The following GLYATL1B variants were observed in gnomAD, a reference collection of about 807,000 sequenced individuals.
The protein encoded by GLYATL1B is glycine-N-acyltransferase like 1B.
A neutral mutation model predicts 5.5 loss-of-function variants in GLYATL1B; 6 were observed. The observed-to-expected ratio is 1.09, with a 90% CI of 0.60 to 2.15. GLYATL1B has a LOEUF of 2.15. Among genes scored for constraint, GLYATL1B ranks in the 30% most tolerant of loss-of-function variants. The pLI, the probability that GLYATL1B is intolerant of heterozygous loss-of-function variation, is 0.00. For synonymous variants in GLYATL1B, 67 were observed against 34.9 expected (o/e 1.92, Z -3.24); for missense variants, 135 against 94.1 (o/e 1.43, Z -1.80).
At position 59,086,310 on chromosome 11, in the gene GLYATL1B, A is replaced by C; in HGVS notation, c.4A>C (p.Ile2Leu). 1 of 398,980 alleles carries C rather than the reference A, an allele frequency of 2.5e-6. No homozygotes were observed. 24.7% of individuals were successfully genotyped at this position (398,980 alleles called of 1,614,324 possible). ...GAGGACTGAAGCATCCCACAAAATGATTCTATTGAATAATTCCGAGCGGCT... is the reference window on the plus strand; with the variant it reads ...GAGGACTGAAGCATCCCACAAAATGCTTCTATTGAATAATTCCGAGCGGCT... M[I>L]LLNNSERLLA... The change falls in exon 1 of 5, where the codon ATT becomes CTT. Residue 2 changes from isoleucine to leucine, a missense_variant. Physicochemically the swap from Ile to Leu is conservative, Grantham distance 5. Transcript: ENST00000527482.
chr11:59,093,496 G>T (rs563717118), intron 2 of GLYATL1B, 33 bp from the exon 3 acceptor site: 19 of 475,832 alleles, frequency 4.0e-5, no homozygotes, highest in Admixed American at 2.2e-4. Flanking sequence ...AAAAGTTCAA[G>T]GGAATGATCT....
chr11:59,088,519 G>T (rs1859239701), intron 2 of GLYATL1B, among the ~76,000 whole-genome samples: 4 of 152,138 alleles, frequency 2.6e-5, no homozygotes, highest in Admixed American at 1.3e-4. Context: ...TCGGATCGAT[G>T]ATTAATGGTT....
intron 2 of GLYATL1B, 135 bp from the exon 3 acceptor site, chr11:59,093,394 C>T: frequency 2.6e-6 from 1 of 383,802 alleles, no homozygotes; most frequent in Non-Finnish European, 4.6e-6. Flanking sequence ...TTATATTATC[C>T]ACGTGCCCAA....
At chr11:59,086,943 C>T (rs1859204482) in intron 1 of GLYATL1B, 121 bp from the exon 2 acceptor site, 1 of 439,664 alleles carries the variant, frequency 2.3e-6, no homozygotes, top group Admixed American at 3.7e-5. Flanking sequence ...CTGTTCATCT[C>T]ATCATCACTG....
At chr11:59,088,696 G>A (rs1859243869) in intron 2 of GLYATL1B, among the ~76,000 whole-genome samples, 2 of 152,142 alleles carry the variant, frequency 1.3e-5, no homozygotes, top group Admixed American at 6.5e-5. Context: ...TTTGAACAAG[G>A]CTAGTTTTTA....
At chr11:59,091,293 A>G (rs2135382723) in intron 2 of GLYATL1B, among the ~76,000 whole-genome samples, 1 of 152,246 alleles carries the variant, frequency 6.6e-6, no homozygotes, top group East Asian at 1.9e-4. Flanking sequence ...GTTTTGCCTT[A>G]TGTAGAATTG....
In GLYATL1B at chr11:59,089,397, T is replaced by C. The variant is rs142206838; in HGVS notation, c.186+2226T>C. 7.6e-4 allele frequency among the ~76,000 whole-genome samples: 115 copies of C among 152,310 alleles called. No homozygotes were observed. In the East Asian group the frequency reaches 0.021, roughly 28 times the overall value. On this transcript the variant is annotated intron_variant, in intron 2 of 4. Transcript: ENST00000527482. The stretch of plus-strand genomic sequence containing the variant: ...AAAGGGATAAGTCCAAGTCAGAGCT[T>C]ATCTTATCCTAAGTAGGCACTGCCA...
intron 2 of GLYATL1B, among the ~76,000 whole-genome samples, chr11:59,089,639 AC>A (rs2135382088): frequency 6.6e-6 from 1 of 152,180 alleles, no homozygotes; most frequent in African/African-American, 2.4e-5. Context: ...TTTTGGGTTT[AC>A]TTCTGAACTG....
chr11:59,088,025 G>A (rs1436741294), intron 2 of GLYATL1B, among the ~76,000 whole-genome samples: 1 of 152,130 alleles, frequency 6.6e-6, no homozygotes, highest in African/African-American at 2.4e-5. Context: ...ATTCAGTCAG[G>A]TAGCTGCTGG....
rs187659409 is a variant in GLYATL1B at position 59,087,186 on chromosome 11, A to G, written c.186+15A>G. On this transcript the variant is annotated intron_variant, in intron 2 of 4. Coordinates refer to ENST00000527482, the MANE Select transcript of GLYATL1B (RefSeq NM_001355566.1). ...CTCAAAAACAGGTAGGCACACAGACAGGGACTGGTGGAGCCAGGCAGGTCC... is the reference window on the plus strand; with the variant it reads ...CTCAAAAACAGGTAGGCACACAGACGGGGACTGGTGGAGCCAGGCAGGTCC... The G allele has an allele frequency of 1.1e-3, 660 of 586,746 alleles. 4 individuals carry two copies. In the Admixed American group the frequency reaches 0.015, roughly 13 times the overall value. 36.3% of individuals were successfully genotyped at this position (586,746 alleles called of 1,614,324 possible). A position where few individuals can be genotyped will look rare whatever the true frequency, so the allele number is the denominator to read the frequency against.
chr11:59,089,006 T>G (rs1189918329), intron 2 of GLYATL1B, among the ~76,000 whole-genome samples: 2 of 152,198 alleles, frequency 1.3e-5, no homozygotes, highest in Non-Finnish European at 2.9e-5. Context: ...AACATGATTT[T>G]AAGAAGTTAA....
chr11:59,090,184 AT>A (rs1213811322), intron 2 of GLYATL1B, among the ~76,000 whole-genome samples: 1 of 151,870 alleles, frequency 6.6e-6, no homozygotes, highest in Non-Finnish European at 1.5e-5. Context: ...ATGCTATTTC[AT>A]TGTTTTGTGG....
intron 2 of GLYATL1B, 128 bp from the exon 3 acceptor site, chr11:59,093,401 C>G (rs916138199): frequency 2.6e-6 from 1 of 390,830 alleles, no homozygotes; most frequent in Admixed American, 4.4e-5. Flanking sequence ...ATCCACGTGC[C>G]CAACTGCAGC....
intron 1 of GLYATL1B, 57 bp downstream of exon 1, chr11:59,086,441 T>G (rs1859197239): frequency 2.3e-5 from 9 of 397,684 alleles, no homozygotes. Context: ...GATGAGAAAC[T>G]AACAGGCTCA....
In GLYATL1B at chr11:59,087,152, T is replaced by A. The variant is rs1349753750; in HGVS notation, c.167T>A (p.Ile56Asn). The A allele has an allele frequency of 1.6e-6, 1 of 632,660 alleles. No homozygotes were observed. The highest frequency in any genetic ancestry group is 1.8e-5 in the African/African-American group (1 of 55,950). The allele number at this position is 632,660 out of a possible 1,614,324, so 39.2% of individuals were successfully genotyped here. Residue 56 changes from isoleucine (I) to asparagine (N), a missense_variant, in exon 2 of 5, where the codon ATT (isoleucine) becomes AAT (asparagine). Ile to Asn is a moderately radical substitution (Grantham distance 149). Coordinates refer to ENST00000527482, the MANE Select transcript of GLYATL1B (RefSeq NM_001355566.1). ...VDSWPEYQMV[I>N]IRPQKQEMTD... ...TCCTGGCCCGAGTATCAGATGGTTA[T>A]TATCCGACCTCAAAAACAGGTAGGC...
At chr11:59,089,258 C>T (rs1172351425) in intron 2 of GLYATL1B, among the ~76,000 whole-genome samples, 1 of 152,194 alleles carries the variant, frequency 6.6e-6, no homozygotes, top group East Asian at 1.9e-4. Context: ...CATTCTCCTC[C>T]TGTTGGGTTC....
chr11:59,092,796 C>T (rs1024256259), intron 2 of GLYATL1B, among the ~76,000 whole-genome samples: 4 of 152,158 alleles, frequency 2.6e-5, no homozygotes, highest in Admixed American at 6.5e-5. Flanking sequence ...TTGTGGGCTT[C>T]TGGCTGTAAA....
intron 2 of GLYATL1B, among the ~76,000 whole-genome samples, chr11:59,089,518 C>T (rs969465655): frequency 5.3e-5 from 8 of 152,176 alleles, no homozygotes; most frequent in Non-Finnish European, 4.4e-5. Flanking sequence ...TGTTATCCTT[C>T]TTCTACTTTA....
At chr11:59,093,396 C>A (rs1260796110) in intron 2 of GLYATL1B, 133 bp from the exon 3 acceptor site, 2 of 385,030 alleles carry the variant, frequency 5.2e-6, no homozygotes, top group Non-Finnish European at 9.3e-6. Flanking sequence ...ATATTATCCA[C>A]GTGCCCAACT....
Sources: allele counts gnomAD v4.1 joint callset (sites outside exome capture counted in the v4.1 genomes callset), GRCh38; gene constraint gnomAD v4.1.1; transcripts MANE v1.5; gene names NCBI Gene and HGNC (gene_info 2026-07-23, HGNC 2026-07-21).